The following SPINK5 variants were observed in gnomAD, a reference collection of about 807,000 sequenced individuals.
The protein encoded by SPINK5 is serine peptidase inhibitor Kazal type 5.
SPINK5 carries 125 observed loss-of-function variants against 151.8 expected under a neutral mutation model. The observed-to-expected ratio is 0.82, with a 90% confidence interval of 0.71 to 0.96. The LOEUF (loss-of-function observed/expected upper bound fraction) is 0.96, where lower values mean the gene tolerates loss of function less well. Among genes scored for constraint, SPINK5 ranks in the 40% least tolerant of loss-of-function variants. The pLI is 0.00. For synonymous variants in SPINK5, 374 were observed against 395.3 expected, an observed-to-expected ratio of 0.95 and a Z score of 0.64; for missense variants, 1,194 against 1,291.9, an observed-to-expected ratio of 0.92 and a Z score of 1.16.
chr5:148,088,905 T>C (rs763068454), intron 6 of SPINK5: 13 of 459,288 alleles, frequency 2.8e-5, no homozygotes, highest in Non-Finnish European at 4.0e-5. Flanking sequence ...AACACTTCAG[T>C]CACTTAGCCT....
At chr5:148,070,231 GCAGACATATACATATATC>G in intron 2 of SPINK5, 74 bp from the exon 3 acceptor site, 1 of 1,451,424 alleles carries the variant, frequency 6.9e-7, no homozygotes, top group South Asian at 1.2e-5. Context: ...GTATATATAT[GCAGACATATACATATATC>G]TACATATATA....
At chr5:148,096,666 A>G (rs1753468528) in intron 10 of SPINK5, among the ~76,000 whole-genome samples, 1 of 151,478 alleles carries the variant, frequency 6.6e-6, no homozygotes, top group African/African-American at 2.4e-5. Flanking sequence ...TCTCCTAAGT[A>G]AGCCACTCCA....
In SPINK5 at chr5:148,137,086, T is replaced by C; in HGVS notation, c.*95T>C. 1 of 1,503,634 alleles carries C rather than the reference T, an allele frequency of 6.7e-7. No homozygotes were observed. Among genetic ancestry groups the C allele is most frequent in the African/African-American group, 1.4e-5 (1 of 72,304 alleles). 93.1% of individuals were successfully genotyped at this position (1,503,634 alleles called of 1,614,324 possible). A position where few individuals can be genotyped will look rare whatever the true frequency, so the allele number is the denominator to read the frequency against. Reference sequence around the variant, plus strand: ...GTATATACAAAGAATTCTTCGGAGCTTGTCTTATTTGCTATAGAAAACAAT... The same window carrying C: ...GTATATACAAAGAATTCTTCGGAGCCTGTCTTATTTGCTATAGAAAACAAT... On this transcript the variant is annotated 3_prime_UTR_variant, in exon 33 of 33. Coordinates refer to ENST00000256084, the MANE Select transcript of SPINK5 (RefSeq NM_006846.4).
intron 4 of SPINK5, among the ~76,000 whole-genome samples, chr5:148,080,239 C>T (rs940862945): frequency 6.0e-5 from 9 of 151,036 alleles, no homozygotes; most frequent in Non-Finnish European, 1.0e-4. Context: ...AATGAAAGAT[C>T]CAAATAACTA....
chr5:148,103,259 A>C (rs1753695452), intron 15 of SPINK5, among the ~76,000 whole-genome samples: 1 of 152,184 alleles, frequency 6.6e-6, no homozygotes, highest in South Asian at 2.1e-4. Flanking sequence ...CAACCATATG[A>C]AATAGATGAA....
At chr5:148,118,013 G>A (rs966398954) in intron 22 of SPINK5, among the ~76,000 whole-genome samples, 1 of 148,734 alleles carries the variant, frequency 6.7e-6, no homozygotes, top group African/African-American at 2.5e-5. Flanking sequence ...GATGTTAGGG[G>A]TTTTTTTGTT....
chr5:148,128,969 G>GA (rs1561707839), intron 30 of SPINK5, among the ~76,000 whole-genome samples: 2 of 152,064 alleles, frequency 1.3e-5, no homozygotes, highest in African/African-American at 2.4e-5. Context: ...AAATAAGGCA[G>GA]AAAAAAATGG....
intron 11 of SPINK5, among the ~76,000 whole-genome samples, chr5:148,099,005 C>G (rs1032082995): frequency 6.6e-6 from 1 of 151,982 alleles, no homozygotes; most frequent in Non-Finnish European, 1.5e-5. Flanking sequence ...AGCAAGTATC[C>G]CAGATCCACT....
At chr5:148,068,250 A>G (rs907418790) in intron 2 of SPINK5, among the ~76,000 whole-genome samples, 1 of 152,094 alleles carries the variant, frequency 6.6e-6, no homozygotes, top group Admixed American at 6.6e-5. Flanking sequence ...ATATTTAAGC[A>G]TGCCATCCTT....
chr5:148,119,517 T>C (rs11743440), intron 24 of SPINK5, among the ~76,000 whole-genome samples: 82,185 of 151,840 alleles, frequency 0.54, 23,370 homozygotes, highest in Admixed American at 0.64. Flanking sequence ...ACCAAGATGT[T>C]GGTAATGCCG....
intron 10 of SPINK5, 44 bp downstream of exon 10, chr5:148,095,949 TGGGGGG>T (rs34533106): frequency 7.0e-7 from 1 of 1,436,156 alleles, no homozygotes; most frequent in East Asian, 2.4e-5. Context: ...TGTGTGTGTG[TGGGGGG>T]GTGCGTGTGT....
intron 8 of SPINK5, among the ~76,000 whole-genome samples, chr5:148,093,476 T>C (rs758516447): frequency 1.1e-4 from 17 of 151,858 alleles, no homozygotes; most frequent in Non-Finnish European, 2.4e-4. Flanking sequence ...GAAATTATTA[T>C]GGATAAAGAA....
intron 7 of SPINK5, 137 bp from the exon 8 acceptor site, chr5:148,091,028 C>T (rs552150779): frequency 5.5e-5 from 40 of 727,226 alleles, no homozygotes; most frequent in African/African-American, 2.7e-4. Context: ...GCATTGAAGA[C>T]GGAAATGCTT....
Position 148,137,050 on chromosome 5 carries a change from C to T in SPINK5, c.*59C>T, listed in dbSNP as rs73794699. On this transcript the variant is annotated 3_prime_UTR_variant, in exon 33 of 33. Coordinates refer to ENST00000256084, the MANE Select transcript of SPINK5 (RefSeq NM_006846.4). ...TAAACCCCAGTTCTGAATCACCTAC[C>T]TTCACCATCTGTATATACAAAGAAT... 9,982 of 1,596,030 alleles carry T rather than the reference C, an allele frequency of 6.3e-3. 471 individuals carry two copies. The African/African-American group carries it at 0.11, about 17-fold the overall frequency.
chr5:148,090,910 C>A (rs982937180), intron 7 of SPINK5: 2 of 493,888 alleles, frequency 4.0e-6, no homozygotes, highest in African/African-American at 3.9e-5. Flanking sequence ...CAGTTTCACA[C>A]CCTTTCTTAC....
chr5:148,125,456 T>C, intron 28 of SPINK5: 2 of 1,406,530 alleles, frequency 1.4e-6, no homozygotes, highest in Non-Finnish European at 2.0e-6. Context: ...AAAGGAAGGA[T>C]GGATGAACGG....
chr5:148,072,866 TAA>T lies in SPINK5; in HGVS notation c.282+658_282+659del, dbSNP rs10628434. ...TTTGTTTAAGAAAAGTGTTCTCTGG[TAA>T]AAAAAAAAAAAGGTCATAAAACATT... On this transcript the variant is annotated intron_variant, in intron 4 of 32. Coordinates refer to ENST00000256084, the MANE Select transcript of SPINK5 (RefSeq NM_006846.4). Among the ~76,000 whole-genome samples, 387 of 143,790 alleles carry T rather than the reference TAA, an allele frequency of 2.7e-3. 3 individuals are homozygous for T. The East Asian group carries it at 0.036, about 13-fold the overall frequency. 94.3% of individuals were successfully genotyped at this position (143,790 alleles called of 152,430 possible). A position where few individuals can be genotyped will look rare whatever the true frequency, so the allele number is the denominator to read the frequency against.
At chr5:148,107,639 A>T (rs1387783652) in intron 17 of SPINK5, among the ~76,000 whole-genome samples, 2 of 152,224 alleles carry the variant, frequency 1.3e-5, no homozygotes, top group Non-Finnish European at 2.9e-5. Context: ...CCTTTCAAGG[A>T]CATTACTATA....
At chr5:148,065,005 A>G (rs1355072780) in intron 1 of SPINK5, among the ~76,000 whole-genome samples, 1 of 152,130 alleles carries the variant, frequency 6.6e-6, no homozygotes, top group Admixed American at 6.5e-5. Context: ...TTTTGTGTGT[A>G]TGTTATATTG....
Sources: gnomAD v4.1 joint callset for allele counts (sites outside exome capture counted in the v4.1 genomes callset) on GRCh38, gnomAD v4.1.1 for gene constraint, MANE v1.5 for transcripts, NCBI Gene and HGNC (gene_info 2026-07-23, HGNC 2026-07-21) for gene names.